LRRC4C: variants seen among roughly 807,000 people sequenced by gnomAD.
The protein encoded by LRRC4C is leucine-rich repeat-containing protein 4C.
LRRC4C carries 5 observed loss-of-function variants against 33.6 expected under a neutral mutation model. The observed-to-expected ratio is 0.15, with a 90% CI of 0.08 to 0.31. The LOEUF is 0.31. Among genes scored for constraint, LRRC4C ranks in the 10% least tolerant of loss-of-function variants. LRRC4C has a pLI of 1.00. For synonymous variants in LRRC4C, 329 were observed against 302.0 expected (o/e 1.09, Z -0.93); for missense variants, 560 against 796.7 (o/e 0.70, Z 3.58).
chr11:41,128,277 A>AC (rs1555083172), intron 1 of LRRC4C, among the ~76,000 whole-genome samples: 1 of 151,974 alleles, frequency 6.6e-6, no homozygotes. Flanking sequence ...AAAAAAAAAA[A>AC]TCATTTCTAT....
intron 1 of LRRC4C, among the ~76,000 whole-genome samples, chr11:41,007,125 C>T (rs1295761325): frequency 3.3e-5 from 5 of 151,918 alleles, no homozygotes; most frequent in South Asian, 2.1e-4. Flanking sequence ...GTTTCAAAAA[C>T]CCTGTTGCCA....
At chr11:40,551,152 A>G (rs1957113565) in intron 3 of LRRC4C, among the ~76,000 whole-genome samples, 1 of 152,068 alleles carries the variant, frequency 6.6e-6, no homozygotes, top group Non-Finnish European at 1.5e-5. Flanking sequence ...TTAAAATCCA[A>G]ATGTGTTATC....
chr11:40,620,058 G>GAAA (rs11344920), intron 3 of LRRC4C, among the ~76,000 whole-genome samples: 4 of 133,674 alleles, frequency 3.0e-5, no homozygotes, highest in Non-Finnish European at 4.7e-5. Flanking sequence ...AAAAATACCT[G>GAAA]AAAAAAAAAA....
At chr11:40,327,747 C>T (rs1946167833) in intron 3 of LRRC4C, among the ~76,000 whole-genome samples, 1 of 151,892 alleles carries the variant, frequency 6.6e-6, no homozygotes, top group African/African-American at 2.4e-5. Context: ...GTCTATTAAA[C>T]TCCAACAAAA....
intron 1 of LRRC4C, among the ~76,000 whole-genome samples, chr11:41,408,530 A>T: frequency 6.6e-6 from 1 of 152,112 alleles, no homozygotes; most frequent in East Asian, 1.9e-4. Context: ...ATTAGGACTT[A>T]GAATACTGTA....
intron 2 of LRRC4C, among the ~76,000 whole-genome samples, chr11:40,906,446 GGT>G (rs1250145194): frequency 1.3e-5 from 2 of 151,212 alleles, no homozygotes; most frequent in Non-Finnish European, 3.0e-5. Context: ...GGGAGGCGGA[GGT>G]TGCAGTGAGC....
chr11:40,715,544 T>C (rs975229285), intron 2 of LRRC4C, among the ~76,000 whole-genome samples: 1 of 152,188 alleles, frequency 6.6e-6, no homozygotes, highest in Non-Finnish European at 1.5e-5. Flanking sequence ...TATTCCTAAG[T>C]CCATATCCTA....
intron 1 of LRRC4C, chr11:41,223,058 G>T (rs1947376436): frequency 6.6e-6 from 1 of 152,004 alleles, no homozygotes; most frequent in African/African-American, 2.4e-5. Context: ...TCAGAGCACT[G>T]GCACAGAGTG....
intron 2 of LRRC4C, among the ~76,000 whole-genome samples, chr11:40,657,031 C>A (rs1489875050): frequency 1.3e-5 from 2 of 152,124 alleles, no homozygotes; most frequent in Non-Finnish European, 2.9e-5. Context: ...ATTTGGCTAC[C>A]TCCAAGCTAC....
chr11:40,852,997 A>T (rs1332491120), intron 2 of LRRC4C, among the ~76,000 whole-genome samples: 1 of 152,212 alleles, frequency 6.6e-6, no homozygotes, highest in Non-Finnish European at 1.5e-5. Context: ...TGTGTCACAT[A>T]GAGATGTTTT....
intron 6 of LRRC4C, among the ~76,000 whole-genome samples, chr11:40,124,672 TGTGGGGAGGCAAAGGAGGGATGGTTA>T (rs1338506275): frequency 2.6e-5 from 4 of 152,102 alleles, no homozygotes; most frequent in Non-Finnish European, 5.9e-5. Flanking sequence ...CATAGTTGGA[TGTGGGGAGGCAAAGGAGGGATGGTTA>T]GTGGGTATAA....
chr11:40,975,697 A>G (rs73484752), intron 1 of LRRC4C, among the ~76,000 whole-genome samples: 34 of 152,362 alleles, frequency 2.2e-4, no homozygotes, highest in African/African-American at 7.2e-4. Flanking sequence ...AGCTCCATGC[A>G]GTAGAATGAT....
intron 1 of LRRC4C, among the ~76,000 whole-genome samples, chr11:41,362,652 T>C (rs1339721078): frequency 6.6e-6 from 1 of 152,202 alleles, no homozygotes; most frequent in African/African-American, 2.4e-5. Context: ...GTTCTTCTTT[T>C]ACAGTCTAGA....
Position 40,926,997 on chromosome 11 carries a change from A to T in LRRC4C, c.-407+6638T>A, listed in dbSNP as rs563641583. 1.1e-4 allele frequency among the ~76,000 whole-genome samples: 17 copies of T among 152,338 alleles called. No homozygotes were observed. In the South Asian group the frequency reaches 3.5e-3, roughly 32 times the overall value. On this transcript the variant is annotated intron_variant, in intron 2 of 6. Coordinates refer to ENST00000528697, the MANE Select transcript of LRRC4C (RefSeq NM_001258419.2). ...TCCAAAATGAGTATGCTGTTGTAAAACATAAAGCTAATCAATAAAATAAGC... is the reference window on the plus strand; with the variant it reads ...TCCAAAATGAGTATGCTGTTGTAAATCATAAAGCTAATCAATAAAATAAGC...
chr11:41,192,250 G>A (rs946454346), intron 1 of LRRC4C, among the ~76,000 whole-genome samples: 3 of 152,016 alleles, frequency 2.0e-5, no homozygotes. Flanking sequence ...TAAGCCCCAG[G>A]AGAGCACATA....
At chr11:40,448,426 G>A (rs1036432292) in intron 3 of LRRC4C, among the ~76,000 whole-genome samples, 5 of 151,908 alleles carry the variant, frequency 3.3e-5, no homozygotes, top group African/African-American at 1.2e-4. Context: ...ACAGGCCCTG[G>A]TGTGTGATAT....
chr11:40,377,793 A>T (rs556109995), intron 3 of LRRC4C, among the ~76,000 whole-genome samples: 1 of 152,130 alleles, frequency 6.6e-6, no homozygotes, highest in Non-Finnish European at 1.5e-5. Context: ...AACTAGGGAC[A>T]GTTACACCTT....
intron 1 of LRRC4C, among the ~76,000 whole-genome samples, chr11:41,296,823 C>T (rs908712798): frequency 1.3e-5 from 2 of 151,980 alleles, no homozygotes; most frequent in Non-Finnish European, 2.9e-5. Flanking sequence ...TATAAAAAGG[C>T]TATGGTATAT....
At chr11:40,231,422 T>C (rs1865188792) in intron 5 of LRRC4C, among the ~76,000 whole-genome samples, 1 of 152,034 alleles carries the variant, frequency 6.6e-6, no homozygotes, top group Non-Finnish European at 1.5e-5. Flanking sequence ...ATATGTATAT[T>C]TGTATACACA....
Sources: gnomAD v4.1 joint callset for allele counts (sites outside exome capture counted in the v4.1 genomes callset) on GRCh38, gnomAD v4.1.1 for gene constraint, MANE v1.5 for transcripts, NCBI Gene and HGNC (gene_info 2026-07-23, HGNC 2026-07-21) for gene names.